Variants in TUBGCP3 observed in about 807,000 individuals in gnomAD.
The protein encoded by TUBGCP3 is gamma-tubulin complex component 3.
Under a neutral mutation model 123.1 loss-of-function variants are expected in TUBGCP3, and 50 were observed. That is an observed-to-expected ratio of 0.41 (90% CI 0.32 to 0.51). The LOEUF is 0.51. Ranked by LOEUF, TUBGCP3 falls within the 20% of genes least tolerant of loss-of-function variation. The pLI is 0.36. For missense variants in TUBGCP3, 882 were observed against 1,127.0 expected (o/e 0.78, Z 3.11); for synonymous variants, 405 against 413.9 (o/e 0.98, Z 0.26).
At chr13:112,540,137 G>A (rs1392006772) in intron 11 of TUBGCP3, among the ~76,000 whole-genome samples, 1 of 150,476 alleles carries the variant, frequency 6.6e-6, no homozygotes, top group African/African-American at 2.4e-5. Flanking sequence ...ACCTGGGAAT[G>A]AGGATGTCAA....
Position 112,522,409 on chromosome 13 carries a change from C to G in TUBGCP3, c.1656G>C (p.Lys552Asn). The G allele has an allele frequency of 5.0e-6, 8 of 1,614,142 alleles. No homozygotes were observed. The highest frequency in any genetic ancestry group is 6.8e-6 in the Non-Finnish European group (8 of 1,179,982). Reference sequence around the variant, plus strand: ...CCTGCATGTGGTCCAGCAAGCTGTACTTTTTATTGAGAACATCCAACAGGT... The same window carrying G: ...CCTGCATGTGGTCCAGCAAGCTGTAGTTTTTATTGAGAACATCCAACAGGT... The part of the protein sequence containing the change: ...SKYLLDVLNK[K>N]YSLLDHMQAM... Residue 552 changes from lysine to asparagine, a missense_variant, in exon 14 of 22, where the codon AAG becomes AAC. This residue lies in a region of TUBGCP3 where 713 missense variants were observed against 874.0 expected (regional missense o/e 0.82). Coordinates refer to ENST00000261965, the MANE Select transcript of TUBGCP3 (RefSeq NM_006322.6).
intron 3 of TUBGCP3, 104 bp from the exon 4 acceptor site, chr13:112,559,503 A>T (rs555492502): frequency 1.1e-6 from 1 of 918,344 alleles, no homozygotes; most frequent in Admixed American, 3.3e-5. Context: ...TGCATTTTAA[A>T]ATTCACATAG....
chr13:112,555,286 G>A (rs1040822718), intron 6 of TUBGCP3, among the ~76,000 whole-genome samples: 1 of 152,216 alleles, frequency 6.6e-6, no homozygotes, highest in African/African-American at 2.4e-5. Context: ...CACAGGGACA[G>A]GCGGAGTGGG....
chr13:112,548,272 G>A (rs1161126489), intron 8 of TUBGCP3, 96 bp from the exon 9 acceptor site: 16 of 837,120 alleles, frequency 1.9e-5, no homozygotes, highest in African/African-American at 3.4e-5. Context: ...TAAAGTTCAG[G>A]TGGGGTGCTA....
At chr13:112,602,163 G>C in the TUBGCP3 span, among the ~76,000 whole-genome samples, 1 of 152,146 alleles carries the variant, frequency 6.6e-6, no homozygotes, top group Non-Finnish European at 1.5e-5. Flanking sequence ...TGGCTGTATG[G>C]CAGTGCCTCG....
chr13:112,561,415 G>A (rs2139240799), intron 3 of TUBGCP3, among the ~76,000 whole-genome samples: 1 of 152,298 alleles, frequency 6.6e-6, no homozygotes, highest in African/African-American at 2.4e-5. Context: ...ATAAATGAGA[G>A]AACAAAGGAC....
chr13:112,497,863 C>T (rs1880624925), intron 20 of TUBGCP3, among the ~76,000 whole-genome samples: 1 of 152,194 alleles, frequency 6.6e-6, no homozygotes, highest in South Asian at 2.1e-4. Context: ...GTCATATATG[C>T]AGTCTGTCAT....
At chr13:112,497,846 GACT>G (rs1200565799) in intron 20 of TUBGCP3, among the ~76,000 whole-genome samples, 1 of 152,162 alleles carries the variant, frequency 6.6e-6, no homozygotes, top group Non-Finnish European at 1.5e-5. Flanking sequence ...AATTTTATGG[GACT>G]ACTGTCATAT....
chr13:112,585,743 AGGT>A (rs1882563281), intron 1 of TUBGCP3, among the ~76,000 whole-genome samples: 1 of 151,736 alleles, frequency 6.6e-6, no homozygotes, highest in Non-Finnish European at 1.5e-5. Context: ...ACTCCAGCCT[AGGT>A]GACAGAGCAA....
At chr13:112,514,474 G>A (rs1875902061) in intron 17 of TUBGCP3, among the ~76,000 whole-genome samples, 1 of 151,990 alleles carries the variant, frequency 6.6e-6, no homozygotes, top group Non-Finnish European at 1.5e-5. Context: ...CAACAAAGGG[G>A]GACCCCATCT....
At position 112,587,912 on chromosome 13, in the gene TUBGCP3, C is replaced by T; in HGVS notation, c.69G>A (p.Arg23=). 1.9e-6 allele frequency: 3 copies of T among 1,593,336 alleles called. No homozygotes were observed. The highest frequency in any genetic ancestry group is 2.6e-6 in the Non-Finnish European group (3 of 1,171,686). ...GTCGCCCGGCCACTCTACCTTCGCT[C>T]CTGCCCAGGATCCTGCAGCACAGGT... The part of the protein sequence containing the change: ...LQNLCCRILG[R]SEADVAQQFQ... Residue 23 remains arginine (R), a synonymous_variant, in exon 1 of 22, where the codon AGG becomes AGA. Coordinates refer to ENST00000261965, the MANE Select transcript of TUBGCP3 (RefSeq NM_006322.6).
At chr13:112,500,557 ACCAG>A (rs1461994040) in intron 19 of TUBGCP3, among the ~76,000 whole-genome samples, 1 of 152,236 alleles carries the variant, frequency 6.6e-6, no homozygotes, top group East Asian at 1.9e-4. Flanking sequence ...ACCATTTCAG[ACCAG>A]CCAAATTTCT....
chr13:112,496,716 G>A (rs1339466488), intron 20 of TUBGCP3, among the ~76,000 whole-genome samples: 1 of 152,176 alleles, frequency 6.6e-6, no homozygotes, highest in African/African-American at 2.4e-5. Context: ...GCCGGGCGCG[G>A]TGGCTCATGC....
chr13:112,532,124 T>C (rs1347609587), intron 11 of TUBGCP3, among the ~76,000 whole-genome samples: 1 of 152,198 alleles, frequency 6.6e-6, no homozygotes. Context: ...AAGAGATTTC[T>C]CCTAAGGCCA....
intron 1 of TUBGCP3, among the ~76,000 whole-genome samples, chr13:112,582,198 G>T (rs951399638): frequency 6.6e-6 from 1 of 152,082 alleles, no homozygotes; most frequent in African/African-American, 2.4e-5. Flanking sequence ...ACACGCTTCT[G>T]GTTTAAATAC....
At chr13:112,527,228 A>T in intron 12 of TUBGCP3, 146 bp downstream of exon 12, 1 of 711,660 alleles carries the variant, frequency 1.4e-6, no homozygotes, top group Non-Finnish European at 2.3e-6. Context: ...ATACTGATGT[A>T]TTCAATTAAC....
At chr13:112,561,203 G>A (rs980035249) in intron 3 of TUBGCP3, among the ~76,000 whole-genome samples, 4 of 152,240 alleles carry the variant, frequency 2.6e-5, no homozygotes, top group African/African-American at 9.6e-5. Context: ...GCAAGCAGCT[G>A]AATGCAATGC....
chr13:112,503,666 C>A (rs548150428), intron 19 of TUBGCP3, among the ~76,000 whole-genome samples: 205 of 152,320 alleles, frequency 1.3e-3, no homozygotes, highest in African/African-American at 4.8e-3. Context: ...CTGCGCCCGG[C>A]CTGTTTTGTT....
At chr13:112,567,797 A>C (rs1427279626) in intron 2 of TUBGCP3, among the ~76,000 whole-genome samples, 4 of 152,082 alleles carry the variant, frequency 2.6e-5, no homozygotes. Context: ...CTAAAGTGGG[A>C]CCTCCACAGA....
Sources: allele counts gnomAD v4.1 joint callset (sites outside exome capture counted in the v4.1 genomes callset), GRCh38; gene constraint gnomAD v4.1.1; regional missense constraint gnomAD v4.1.1; transcripts MANE v1.5; gene names NCBI Gene and HGNC (gene_info 2026-07-23, HGNC 2026-07-21).